CD70: variants seen among roughly 807,000 people sequenced by gnomAD.
The protein encoded by CD70 is CD70 antigen.
A neutral mutation model predicts 9.0 loss-of-function variants in CD70; 6 were observed. The observed-to-expected ratio is 0.67, with a 90% CI of 0.37 to 1.32. The LOEUF (loss-of-function observed/expected upper bound fraction) is 1.32. CD70 is among the 40% of genes most tolerant of loss of function. The probability of loss-of-function intolerance (pLI) is 0.02; values close to 1 mark genes in which losing one functional copy is unlikely to be tolerated. For synonymous variants in CD70, 108 were observed against 112.3 expected, an observed-to-expected ratio of 0.96 and a Z score of 0.24; for missense variants, 235 against 258.7, an observed-to-expected ratio of 0.91 and a Z score of 0.63.
chr19:6,587,434 G>T (rs145115195), intron 2 of CD70, among the ~76,000 whole-genome samples: 1 of 151,920 alleles, frequency 6.6e-6, no homozygotes, highest in East Asian at 1.9e-4. Context: ...GTGTGTGAGA[G>T]AGGATGAGAG....
downstream of CD70, chr19:6,583,298 A>T: frequency 1.4e-6 from 1 of 690,098 alleles, no homozygotes; most frequent in Non-Finnish European, 2.6e-6. Context: ...TGGACAGATG[A>T]CTCAACGGTT....
downstream of CD70, chr19:6,583,551 GTCTTT>G: frequency 2.5e-6 from 1 of 405,606 alleles, no homozygotes; most frequent in Non-Finnish European, 4.3e-6. Context: ...GTTAATTGTA[GTCTTT>G]TTTTTTTTTT....
chr19:6,587,856 G>A (rs1171727553), intron 2 of CD70, among the ~76,000 whole-genome samples: 1 of 152,040 alleles, frequency 6.6e-6, no homozygotes, highest in Non-Finnish European at 1.5e-5. Flanking sequence ...GGTGGCATGC[G>A]CCACCATGAC....
At chr19:6,586,461 CA>C (rs968569624) in intron 2 of CD70, 56 bp from the exon 3 acceptor site, 23 of 1,517,960 alleles carry the variant, frequency 1.5e-5, no homozygotes, top group African/African-American at 1.1e-4. Flanking sequence ...AACTGAGGCA[CA>C]GGGGGTCATA....
chr19:6,588,353 G>T (rs1916075215), intron 2 of CD70, among the ~76,000 whole-genome samples: 1 of 151,880 alleles, frequency 6.6e-6, no homozygotes, highest in Non-Finnish European at 1.5e-5. Flanking sequence ...GGGGCCTCAA[G>T]ACCAAATTAC....
In CD70 at chr19:6,590,148, G is replaced by C. The variant is rs980652257; in HGVS notation, c.163-12C>G. 2.5e-6 allele frequency: 4 copies of C among 1,613,292 alleles called. No homozygotes were observed. The Admixed American group carries it at 6.7e-5, about 27-fold the overall frequency. On this transcript the variant is annotated splice_polypyrimidine_tract_variant and intron_variant, in intron 1 of 2. Transcript: ENST00000245903. This position sits in a 1 kb window ranked among gnomAD's most constrained non-coding sequence, Gnocchi z 5.3. ...TCAGCTACGTCCCACTGGAAGAAAAGACCAGAAAACAGGGCACGGACGTAA... is the reference window on the plus strand; with the variant it reads ...TCAGCTACGTCCCACTGGAAGAAAACACCAGAAAACAGGGCACGGACGTAA...
At chr19:6,583,431 G>A (rs781481040), downstream of CD70, 23 of 682,196 alleles carry the variant, frequency 3.4e-5, no homozygotes, top group Admixed American at 4.2e-5. Flanking sequence ...ATTAAATGCC[G>A]TAAGAAGCAC....
rs1011039705 is a variant in CD70 at position 6,590,474 on chromosome 19, C to T, written c.163-338G>A. ...GGCGCGGTCCCCAAAGGGACCCCTC[C>T]CCCACCCGGAGCGAGTGGCTGGGGC... On this transcript the variant is annotated intron_variant, in intron 1 of 2. Coordinates refer to ENST00000245903, the MANE Select transcript of CD70 (RefSeq NM_001252.5). The surrounding 1 kb of genome is among the most constrained non-coding windows in gnomAD (Gnocchi z 5.3). Among the ~76,000 whole-genome samples, 1 of 152,062 alleles carries T rather than the reference C, an allele frequency of 6.6e-6. No homozygotes were observed. The highest frequency in any genetic ancestry group is 1.5e-5 in the Non-Finnish European group (1 of 67,920).
downstream of CD70, chr19:6,583,567 TTTTTTTTTTTA>T: frequency 2.5e-5 from 9 of 353,870 alleles, no homozygotes; most frequent in Non-Finnish European, 4.4e-5. Flanking sequence ...TTTTTTTTTT[TTTTTTTTTTTA>T]AAGACAGTCT....
intron 2 of CD70, among the ~76,000 whole-genome samples, chr19:6,588,065 T>C (rs1015192295): frequency 6.6e-6 from 1 of 152,204 alleles, no homozygotes; most frequent in Non-Finnish European, 1.5e-5. Context: ...CTTATCTGAC[T>C]GACACACCTG....
At position 6,590,661 on chromosome 19, in the gene CD70, G is replaced by A. The variant is rs1428179020; in HGVS notation, c.162+180C>T. 6.6e-6 allele frequency among the ~76,000 whole-genome samples: 1 copy of A among 152,182 alleles called. No homozygotes were observed. Among genetic ancestry groups the A allele is most frequent in the South Asian group, 2.1e-4 (1 of 4,834 alleles). Reference sequence around the variant, plus strand: ...CGGGATCTCCCTGTACCTCCTGGCAGGGCTGCCTGTCTCGTAGCCCCTACA... The same window carrying A: ...CGGGATCTCCCTGTACCTCCTGGCAAGGCTGCCTGTCTCGTAGCCCCTACA... On this transcript the variant is annotated intron_variant, in intron 1 of 2. Coordinates refer to ENST00000245903, the MANE Select transcript of CD70 (RefSeq NM_001252.5). This position sits in a 1 kb window ranked among gnomAD's most constrained non-coding sequence, Gnocchi z 5.3.
Position 6,586,418 on chromosome 19 carries a change from G to T in CD70, c.197-13C>A, listed in dbSNP as rs1267078164. 6.3e-7 allele frequency: 1 copy of T among 1,591,722 alleles called. No homozygotes were observed. The highest frequency in any genetic ancestry group is 8.6e-7 in the Non-Finnish European group (1 of 1,168,694). On this transcript the variant is annotated splice_polypyrimidine_tract_variant and intron_variant, in intron 2 of 2. Coordinates refer to ENST00000245903, the MANE Select transcript of CD70 (RefSeq NM_001252.5). Reference sequence around the variant, plus strand: ...TCCTGCTGAGGTCCTGGGGGCACAGGGTTAGAGGGATGAGAGGATGGAGGT... The same window carrying T: ...TCCTGCTGAGGTCCTGGGGGCACAGTGTTAGAGGGATGAGAGGATGGAGGT...
chr19:6,587,992 C>A (rs1388292051), intron 2 of CD70, among the ~76,000 whole-genome samples: 1 of 152,144 alleles, frequency 6.6e-6, no homozygotes. Context: ...GGGATCACAG[C>A]CGGGAGCCAA....
At chr19:6,589,208 CCTCT>C (rs904946445) in intron 2 of CD70, among the ~76,000 whole-genome samples, 3 of 149,596 alleles carry the variant, frequency 2.0e-5, no homozygotes, top group South Asian at 4.3e-4. Context: ...TCTGTCTCTT[CCTCT>C]CTGTTATTCT....
downstream of CD70, among the ~76,000 whole-genome samples, chr19:6,585,106 C>G (rs1719419810): frequency 6.6e-6 from 1 of 151,926 alleles, no homozygotes; most frequent in South Asian, 2.1e-4. Flanking sequence ...CCTGCCTCAG[C>G]CTCCTGAGTA....
Position 6,590,344 on chromosome 19 carries a change from T to C in CD70, c.163-208A>G, listed in dbSNP as rs1916130469. On this transcript the variant is annotated intron_variant, in intron 1 of 2. Coordinates refer to ENST00000245903, the MANE Select transcript of CD70 (RefSeq NM_001252.5). The surrounding 1 kb of genome is among the most constrained non-coding windows in gnomAD (Gnocchi z 5.3). ...GTCTGAACCAGCGGGGAACGTGAAG[T>C]CGAGACCTTCAAAAGAACTTCTTCG... Among the ~76,000 whole-genome samples, 1 of 152,212 alleles carries C rather than the reference T, an allele frequency of 6.6e-6. No individual in the cohort carries two copies. Among genetic ancestry groups the C allele is most frequent in the Admixed American group, 6.5e-5 (1 of 15,284 alleles).
chr19:6,585,957 C>A lies in CD70; in HGVS notation c.*63G>T. ...ACCCCGGGTGGCCCCTGTGTGTACA[C>A]TTTTTCTCTTGAACTTAAATAAAAT... On this transcript the variant is annotated 3_prime_UTR_variant, in exon 3 of 3. Transcript: ENST00000245903. 7.2e-7 allele frequency: 1 copy of A among 1,379,822 alleles called. No homozygotes were observed. 85.5% of individuals were successfully genotyped at this position (1,379,822 alleles called of 1,614,324 possible). A position where few individuals can be genotyped will look rare whatever the true frequency, so the allele number is the denominator to read the frequency against.
chr19:6,584,916 T>C (rs1046091589), downstream of CD70, among the ~76,000 whole-genome samples: 9 of 152,128 alleles, frequency 5.9e-5, no homozygotes, highest in Admixed American at 4.6e-4. Context: ...CTTGAACTCC[T>C]GACCTCAAGT....
intron 2 of CD70, among the ~76,000 whole-genome samples, chr19:6,588,933 A>G (rs967398994): frequency 1.3e-5 from 2 of 152,212 alleles, no homozygotes; most frequent in African/African-American, 4.8e-5. Context: ...ATGTATAATT[A>G]GTGCTTGTAG....
Sources: gnomAD v4.1 joint callset for allele counts (sites outside exome capture counted in the v4.1 genomes callset) on GRCh38, gnomAD v4.1.1 for gene constraint, Gnocchi (gnomAD v3.1) non-coding constraint, MANE v1.5 for transcripts, NCBI Gene and HGNC (gene_info 2026-07-23, HGNC 2026-07-21) for gene names.